Variants in MTRES1 observed in about 807,000 individuals in gnomAD.
The protein encoded by MTRES1 is mitochondrial transcription rescue factor 1.
Under a neutral mutation model 17.4 loss-of-function variants are expected in MTRES1, and 11 were observed. The observed-to-expected ratio is 0.63, with a 90% CI of 0.40 to 1.05. The LOEUF (loss-of-function observed/expected upper bound fraction) is 1.05, where lower values mean the gene tolerates loss of function less well. Among genes scored for constraint, MTRES1 ranks in the 50% least tolerant of loss-of-function variants. MTRES1 has a pLI of 0.00. For synonymous variants in MTRES1, 94 were observed against 99.6 expected (o/e 0.94, Z 0.34); for missense variants, 268 against 276.2 (o/e 0.97, Z 0.21).
intron 3 of MTRES1, among the ~76,000 whole-genome samples, chr6:107,050,578 G>GTTTTTTTT (rs1562287989): frequency 6.2e-4 from 33 of 53,182 alleles, no homozygotes; most frequent in East Asian, 1.1e-3. Context: ...TTTTTTTTTC[G>GTTTTTTTT]TTTTTTTCGT....
chr6:107,047,961 G>A (rs4424122), intron 3 of MTRES1, among the ~76,000 whole-genome samples: 142,282 of 152,128 alleles, frequency 0.94, 66,890 homozygotes, highest in East Asian at 1. Context: ...CCACTTGGGA[G>A]GCTGAGGAGG....
intron 2 of MTRES1, among the ~76,000 whole-genome samples, chr6:107,041,663 A>C (rs1001602274): frequency 1.3e-5 from 2 of 151,840 alleles, no homozygotes; most frequent in African/African-American, 2.4e-5. Flanking sequence ...GTAGTTGGGA[A>C]TACAGGCGCC....
chr6:107,034,607 A>G (rs1205633007), intron 1 of MTRES1, among the ~76,000 whole-genome samples: 1 of 152,230 alleles, frequency 6.6e-6, no homozygotes, highest in African/African-American at 2.4e-5. Flanking sequence ...GTGTGACCCT[A>G]TAACTGAGAT....
chr6:107,041,952 T>A (rs1774231883), intron 2 of MTRES1, among the ~76,000 whole-genome samples: 5 of 152,224 alleles, frequency 3.3e-5, no homozygotes, highest in Admixed American at 1.3e-4. Context: ...AGAATTGTGA[T>A]ATGAATAAAT....
At chr6:107,034,468 A>AAG (rs71012762) in intron 1 of MTRES1, among the ~76,000 whole-genome samples, 142,573 of 151,588 alleles carry the variant, frequency 0.94, 67,265 homozygotes, top group Non-Finnish European at 0.98. Flanking sequence ...AGAAAAAAAA[A>AAG]AGGAAAATAG....
At chr6:107,049,355 C>G (rs1028960387) in intron 3 of MTRES1, among the ~76,000 whole-genome samples, 20 of 149,378 alleles carry the variant, frequency 1.3e-4, no homozygotes, top group African/African-American at 4.9e-4. Context: ...TCATCCCTGG[C>G]TTATGTTTTA....
chr6:107,028,797 G>A, intron 1 of MTRES1: 2 of 689,624 alleles, frequency 2.9e-6, no homozygotes, highest in South Asian at 1.3e-4. Flanking sequence ...TACAGTCTTC[G>A]GTTAGTTCAG....
Position 107,035,513 on chromosome 6 carries a change from T to G in MTRES1, c.-12-4236T>G, listed in dbSNP as rs1272195950. Among the ~76,000 whole-genome samples the G allele has an allele frequency of 2.6e-5, 4 of 152,164 alleles. No individual in the cohort carries two copies. In the East Asian group the frequency reaches 7.7e-4, roughly 29 times the overall value. ...AGCTCTGGCCACCTATGGCTAAACC[T>G]TCCTGTGTGTTTTGGGTGGTTGGGA... On this transcript the variant is annotated intron_variant, in intron 1 of 3. Transcript: ENST00000311381.
intron 3 of MTRES1, among the ~76,000 whole-genome samples, chr6:107,046,930 T>TTTTTTG (rs1367322880): frequency 3.0e-5 from 1 of 33,018 alleles, no homozygotes; most frequent in Non-Finnish European, 1.2e-4. Flanking sequence ...GGATTCATTC[T>TTTTTTG]TGTGTGTGTG....
chr6:107,033,534 C>T (rs1205414158), intron 1 of MTRES1, among the ~76,000 whole-genome samples: 1 of 152,016 alleles, frequency 6.6e-6, no homozygotes, highest in Non-Finnish European at 1.5e-5. Context: ...AGTCCTGAGG[C>T]AGGGCCGGGC....
intron 1 of MTRES1, among the ~76,000 whole-genome samples, chr6:107,039,371 G>T (rs2114954080): frequency 6.6e-6 from 1 of 152,082 alleles, no homozygotes; most frequent in South Asian, 2.1e-4. Flanking sequence ...CTGGGCTGGA[G>T]TGCAGTGGCG....
At chr6:107,048,774 A>G (rs1774483177) in intron 3 of MTRES1, among the ~76,000 whole-genome samples, 3 of 55,960 alleles carry the variant, frequency 5.4e-5, no homozygotes, top group Non-Finnish European at 1.3e-4. Flanking sequence ...GTGAGACTCC[A>G]TGTCAAAAAA....
At chr6:107,035,938 C>T (rs575609157) in intron 1 of MTRES1, among the ~76,000 whole-genome samples, 1 of 152,156 alleles carries the variant, frequency 6.6e-6, no homozygotes, top group Admixed American at 6.5e-5. Context: ...TGTGAACCAC[C>T]ACACCCGTCC....
intron 3 of MTRES1, among the ~76,000 whole-genome samples, chr6:107,047,429 A>C (rs1370929865): frequency 6.6e-6 from 1 of 151,868 alleles, no homozygotes; most frequent in Non-Finnish European, 1.5e-5. Flanking sequence ...TGTGTGGTCC[A>C]GGCTGGTCTT....
At position 107,035,178 on chromosome 6, in the gene MTRES1, G is replaced by A. The variant is rs182168251; in HGVS notation, c.-12-4571G>A. ...GATGGAGTTTCACTCTTGTTGCCCA[G>A]GCTGGAGTGCAATGACACAATCTCG... On this transcript the variant is annotated intron_variant, in intron 1 of 3. Coordinates refer to ENST00000311381, the MANE Select transcript of MTRES1 (RefSeq NM_016487.5). 2.4e-4 allele frequency among the ~76,000 whole-genome samples: 36 copies of A among 151,870 alleles called. No homozygotes were observed. The East Asian group carries it at 5.8e-3, about 25-fold the overall frequency.
At position 107,039,966 on chromosome 6, in the gene MTRES1, G is replaced by C; in HGVS notation, c.206G>C (p.Gly69Ala). The C allele has an allele frequency of 6.2e-7, 1 of 1,613,786 alleles. No homozygotes were observed. The highest frequency in any genetic ancestry group is 2.2e-5 in the East Asian group (1 of 44,878). The stretch of plus-strand genomic sequence containing the variant: ...AATATTTTCTCACTGAGACTCCCAG[G>C]GCTTTTACTATCTCCAGAATGTATT... ...FYNIFSLRLP[G>A]LLLSPECIFP... Residue 69 changes from glycine to alanine, a missense_variant, in exon 2 of 4, where the codon GGG becomes GCG. Physicochemically the swap from Gly to Ala is moderately conservative, Grantham distance 60. Coordinates refer to ENST00000311381, the MANE Select transcript of MTRES1 (RefSeq NM_016487.5).
Position 107,051,513 on chromosome 6 carries a change from T to C in MTRES1, c.*277T>C, listed in dbSNP as rs1163856202. ...GAATGAACTAAGCCCCAGAGGGTTT[T>C]AATGGCTTGCCTGCTGTTTCCCACA... On this transcript the variant is annotated 3_prime_UTR_variant, in exon 4 of 4. Coordinates refer to ENST00000311381, the MANE Select transcript of MTRES1 (RefSeq NM_016487.5). 6.6e-6 allele frequency among the ~76,000 whole-genome samples: 1 copy of C among 152,196 alleles called. No homozygotes were observed. Among genetic ancestry groups the C allele is most frequent in the African/African-American group, 2.4e-5 (1 of 41,450 alleles).
chr6:107,041,011 G>A (rs1582606962), intron 2 of MTRES1: 1 of 151,786 alleles, frequency 6.6e-6, no homozygotes, highest in Non-Finnish European at 1.5e-5. Context: ...CGGATCACAA[G>A]GTCAGGAGAT....
chr6:107,039,731 AT>A lies in MTRES1; in HGVS notation c.-12-15del. The A allele has an allele frequency of 6.4e-7, 1 of 1,571,156 alleles. No homozygotes were observed. The highest frequency in any genetic ancestry group is 8.6e-7 in the Non-Finnish European group (1 of 1,166,036). On this transcript the variant is annotated splice_polypyrimidine_tract_variant and intron_variant, in intron 1 of 3. Coordinates refer to ENST00000311381, the MANE Select transcript of MTRES1 (RefSeq NM_016487.5). ...ACACTGCACTTGTGAGATAAAACTG[AT>A]TTATTATCTGTTTCAGATTATAAGC...
Sources: gnomAD v4.1 joint callset for allele counts (sites outside exome capture counted in the v4.1 genomes callset) on GRCh38, gnomAD v4.1.1 for gene constraint, MANE v1.5 for transcripts, NCBI Gene and HGNC (gene_info 2026-07-23, HGNC 2026-07-21) for gene names.